LRRIQ3: variants seen among roughly 807,000 people sequenced by gnomAD.
LRRIQ3 encodes the protein leucine-rich repeat and IQ domain-containing protein 3.
In LRRIQ3, 75 loss-of-function variants were observed where a neutral mutation model predicts 59.3. The observed-to-expected ratio is 1.26, with a 90% CI of 1.05 to 1.53. LRRIQ3 has a LOEUF of 1.53. Among genes scored for constraint, LRRIQ3 ranks in the 40% most tolerant of loss-of-function variants. The pLI is 0.00. For missense variants in LRRIQ3, 831 were observed against 710.0 expected (o/e 1.17, Z -1.94); for synonymous variants, 250 against 231.3 (o/e 1.08, Z -0.73).
chr1:74,027,840 T>C (rs1234484553), intron 7 of LRRIQ3, among the ~76,000 whole-genome samples: 1 of 151,986 alleles, frequency 6.6e-6, no homozygotes, highest in Non-Finnish European at 1.5e-5. Context: ...GAGAAATAAA[T>C]GTATATAAAT....
intron 6 of LRRIQ3, among the ~76,000 whole-genome samples, chr1:74,042,692 T>G (rs1009976042): frequency 6.6e-6 from 1 of 152,124 alleles, no homozygotes; most frequent in African/African-American, 2.4e-5. Flanking sequence ...TTCTTAACTC[T>G]GGTGGAAAAT....
chr1:74,098,886 C>G (rs997462271), intron 5 of LRRIQ3, among the ~76,000 whole-genome samples: 2 of 152,144 alleles, frequency 1.3e-5, no homozygotes, highest in African/African-American at 2.4e-5. Flanking sequence ...ACCAGAATCT[C>G]TGGGACACAT....
chr1:74,059,574 A>G (rs1357019180), intron 6 of LRRIQ3, among the ~76,000 whole-genome samples: 1 of 152,078 alleles, frequency 6.6e-6, no homozygotes, highest in Non-Finnish European at 1.5e-5. Context: ...TCATTATGCC[A>G]GTTTTCACAT....
intron 5 of LRRIQ3, among the ~76,000 whole-genome samples, chr1:74,087,528 A>T (rs2100509421): frequency 6.6e-6 from 1 of 151,244 alleles, no homozygotes; most frequent in East Asian, 1.9e-4. Context: ...CTATTTCATA[A>T]AAAAAAATCT....
chr1:74,176,760 T>C (rs1327777245), intron 3 of LRRIQ3, among the ~76,000 whole-genome samples: 2 of 152,150 alleles, frequency 1.3e-5, no homozygotes, highest in African/African-American at 2.4e-5. Flanking sequence ...TCTCCATTAG[T>C]GTCAGAGGAG....
At chr1:74,104,338 A>G (rs993918680) in intron 5 of LRRIQ3, among the ~76,000 whole-genome samples, 2 of 152,012 alleles carry the variant, frequency 1.3e-5, no homozygotes, top group Non-Finnish European at 2.9e-5. Context: ...ATTCCTTGGT[A>G]TTTACCCAAA....
chr1:74,133,427 GCACTATTCACAA>G (rs1388318469), intron 4 of LRRIQ3, among the ~76,000 whole-genome samples: 2 of 151,914 alleles, frequency 1.3e-5, no homozygotes, highest in Non-Finnish European at 2.9e-5. Flanking sequence ...GTTTATTGCG[GCACTATTCACAA>G]TAGCAAAGAC....
At chr1:74,157,253 A>G (rs1349502188) in intron 3 of LRRIQ3, among the ~76,000 whole-genome samples, 1 of 151,946 alleles carries the variant, frequency 6.6e-6, no homozygotes. Context: ...AACTCCATCA[A>G]TTAACTCCCC....
At chr1:74,114,098 A>C (rs1236917029) in intron 4 of LRRIQ3, among the ~76,000 whole-genome samples, 1 of 151,944 alleles carries the variant, frequency 6.6e-6, no homozygotes, top group Non-Finnish European at 1.5e-5. Flanking sequence ...CAATAAGAGC[A>C]CAAGGAGGCA....
intron 5 of LRRIQ3, among the ~76,000 whole-genome samples, chr1:74,094,429 A>G (rs1646427576): frequency 6.6e-6 from 1 of 152,042 alleles, no homozygotes; most frequent in African/African-American, 2.4e-5. Flanking sequence ...GACAGAAGCA[A>G]GAGGTTAGGG....
chr1:74,028,517 G>A (rs1653589575), intron 7 of LRRIQ3, among the ~76,000 whole-genome samples: 1 of 152,024 alleles, frequency 6.6e-6, no homozygotes, highest in African/African-American at 2.4e-5. Context: ...AACAAGACGG[G>A]AAGAAAGATT....
intron 4 of LRRIQ3, among the ~76,000 whole-genome samples, chr1:74,128,127 T>C (rs1223967132): frequency 6.6e-6 from 1 of 152,072 alleles, no homozygotes; most frequent in Non-Finnish European, 1.5e-5. Context: ...TTCTTTTCTC[T>C]TGCTGCTTTC....
intron 6 of LRRIQ3, among the ~76,000 whole-genome samples, chr1:74,062,277 T>C (rs1282072665): frequency 6.6e-6 from 1 of 151,968 alleles, no homozygotes; most frequent in African/African-American, 2.4e-5. Context: ...AGAAGATATA[T>C]ATATGACCAA....
At chr1:74,190,687 T>TA (rs911033887) in intron 1 of LRRIQ3, among the ~76,000 whole-genome samples, 74 of 139,496 alleles carry the variant, frequency 5.3e-4, no homozygotes, top group Non-Finnish European at 6.3e-4. Flanking sequence ...TGTAAGAAAA[T>TA]AAAAAAAAAA....
intron 6 of LRRIQ3, among the ~76,000 whole-genome samples, chr1:74,043,855 C>A (rs142613065): frequency 1.3e-5 from 2 of 152,066 alleles, no homozygotes; most frequent in South Asian, 2.1e-4. Context: ...CAGAAAAGAG[C>A]GACATATTTT....
intron 5 of LRRIQ3, among the ~76,000 whole-genome samples, chr1:74,098,426 G>A (rs1348557372): frequency 6.6e-6 from 1 of 152,226 alleles, no homozygotes; most frequent in East Asian, 1.9e-4. Flanking sequence ...GACCTACAGA[G>A]AGACTTAGAC....
chr1:74,193,971 A>C (rs1650933744), intron 1 of LRRIQ3, among the ~76,000 whole-genome samples: 2 of 152,192 alleles, frequency 1.3e-5, no homozygotes. Context: ...GAATGTCTGC[A>C]ACATATTAAG....
intron 3 of LRRIQ3, among the ~76,000 whole-genome samples, chr1:74,158,091 C>T: frequency 6.6e-6 from 1 of 151,986 alleles, no homozygotes; most frequent in East Asian, 1.9e-4. Context: ...AGATGCAGTA[C>T]ATTCAACATC....
intron 3 of LRRIQ3, among the ~76,000 whole-genome samples, chr1:74,178,423 T>A (rs553280596): frequency 2.0e-5 from 3 of 152,214 alleles, no homozygotes; most frequent in Non-Finnish European, 1.5e-5. Flanking sequence ...TTTACAAAAA[T>A]TATTTAATCT....
Sources: gnomAD v4.1 joint callset for allele counts (sites outside exome capture counted in the v4.1 genomes callset) on GRCh38, gnomAD v4.1.1 for gene constraint, MANE v1.5 for transcripts, NCBI Gene and HGNC (gene_info 2026-07-23, HGNC 2026-07-21) for gene names.